The following LRMDA variants were observed in gnomAD, a reference collection of about 807,000 sequenced individuals.
The protein encoded by LRMDA is leucine rich melanocyte differentiation associated.
Under a neutral mutation model 29.8 loss-of-function variants are expected in LRMDA, and 18 were observed. The observed-to-expected ratio is 0.60, with a 90% CI of 0.42 to 0.90. The LOEUF is 0.90. Ranked by LOEUF, LRMDA falls within the 40% of genes least tolerant of loss-of-function variation. The probability of loss-of-function intolerance (pLI) is 0.00; values close to 1 mark genes in which losing one functional copy is unlikely to be tolerated. For missense variants in LRMDA, 273 were observed against 273.9 expected, an observed-to-expected ratio of 1.00 and a Z score of 0.02; for synonymous variants, 125 against 109.4, an observed-to-expected ratio of 1.14 and a Z score of -0.89.
chr10:75,450,562 C>T (rs1176170412), intron 2 of LRMDA: 7 of 152,214 alleles, frequency 4.6e-5, no homozygotes, highest in Non-Finnish European at 1.0e-4. Flanking sequence ...TTAACCCCCA[C>T]ACGGCCCGTT....
intron 2 of LRMDA, among the ~76,000 whole-genome samples, chr10:75,942,933 T>G (rs962942211): frequency 6.6e-6 from 1 of 152,140 alleles, no homozygotes; most frequent in Non-Finnish European, 1.5e-5. Flanking sequence ...TATGAACTAC[T>G]GTGATGCTAC....
chr10:76,040,082 A>C (rs376459923), intron 3 of LRMDA, among the ~76,000 whole-genome samples: 4 of 152,320 alleles, frequency 2.6e-5, no homozygotes, highest in South Asian at 4.1e-4. Flanking sequence ...CTCTGAAGTC[A>C]CATAGATTGT....
chr10:76,151,809 A>G (rs895359748), intron 5 of LRMDA, among the ~76,000 whole-genome samples: 1 of 152,192 alleles, frequency 6.6e-6, no homozygotes, highest in Non-Finnish European at 1.5e-5. Context: ...TTAAGTAGAC[A>G]GTCATATTAT....
intron 2 of LRMDA, among the ~76,000 whole-genome samples, chr10:75,582,406 A>C (rs2132077953): frequency 6.6e-6 from 1 of 152,312 alleles, no homozygotes; most frequent in South Asian, 2.1e-4. Context: ...GAAACTGCCA[A>C]GGCTTATGGC....
At chr10:75,600,337 T>C (rs1287731676) in intron 2 of LRMDA, among the ~76,000 whole-genome samples, 2 of 152,192 alleles carry the variant, frequency 1.3e-5, no homozygotes, top group African/African-American at 2.4e-5. Flanking sequence ...GGCTGTACTT[T>C]CTGGAAGGTG....
intron 6 of LRMDA, among the ~76,000 whole-genome samples, chr10:76,516,252 T>G (rs368887680): frequency 2.0e-5 from 3 of 152,176 alleles, no homozygotes; most frequent in African/African-American, 7.2e-5. Context: ...ATATTAAAAT[T>G]ATCACAATCA....
intron 2 of LRMDA, among the ~76,000 whole-genome samples, chr10:75,609,055 A>G (rs572792883): frequency 2.4e-4 from 36 of 152,264 alleles, no homozygotes; most frequent in South Asian, 4.1e-4. Context: ...ACGGGCCACA[A>G]TGGAGCTTGC....
intron 2 of LRMDA, among the ~76,000 whole-genome samples, chr10:75,683,660 C>T (rs1842050379): frequency 6.6e-6 from 1 of 152,220 alleles, no homozygotes; most frequent in Admixed American, 6.5e-5. Context: ...CTTTACCTTA[C>T]CTGAAAGCTG....
intron 2 of LRMDA, among the ~76,000 whole-genome samples, chr10:75,990,947 C>T (rs1847356795): frequency 6.6e-6 from 1 of 152,048 alleles, no homozygotes; most frequent in Non-Finnish European, 1.5e-5. Flanking sequence ...CCAAGTCTTC[C>T]CTAAGTTAGT....
chr10:75,514,707 C>T (rs929563538), intron 2 of LRMDA, among the ~76,000 whole-genome samples: 3 of 152,168 alleles, frequency 2.0e-5, no homozygotes, highest in South Asian at 2.1e-4. Context: ...ATGTGTCAGG[C>T]CCTCCTTCGC....
intron 2 of LRMDA, chr10:75,782,848 T>G: frequency 6.6e-7 from 1 of 1,525,510 alleles, no homozygotes; most frequent in African/African-American, 1.4e-5. Context: ...TGTTTTAGTT[T>G]TATTCTTTTT....
Position 75,725,500 on chromosome 10 carries a change from C to T in LRMDA, c.131+287006C>T, listed in dbSNP as rs147457702. Among the ~76,000 whole-genome samples the T allele has an allele frequency of 5.3e-4, 80 of 152,320 alleles. 1 individual carries two copies. The highest frequency in any genetic ancestry group is 1.7e-3 in the African/African-American group (71 of 41,572). On this transcript the variant is annotated intron_variant, in intron 2 of 6. Transcript: ENST00000611255. ...ATTTATAATTTATGATTTTATGAAT[C>T]GTCAAACTTCCTACATCGTTTTTGA...
chr10:75,438,919 A>C (rs1844294069), intron 2 of LRMDA, among the ~76,000 whole-genome samples: 1 of 152,156 alleles, frequency 6.6e-6, no homozygotes, highest in Admixed American at 6.5e-5. Context: ...GTCGAGTCAC[A>C]GGTAGGGTGT....
intron 5 of LRMDA, among the ~76,000 whole-genome samples, chr10:76,144,628 T>C (rs1850274909): frequency 6.6e-6 from 1 of 152,226 alleles, no homozygotes; most frequent in African/African-American, 2.4e-5. Flanking sequence ...CACAATCATG[T>C]CATCTGCAAA....
chr10:75,730,053 G>A (rs530845593), intron 2 of LRMDA, among the ~76,000 whole-genome samples: 27 of 152,146 alleles, frequency 1.8e-4, no homozygotes, highest in Admixed American at 1.4e-3. Flanking sequence ...GCCTTGCTCA[G>A]CCTCTGAGCA....
At chr10:76,463,831 A>G (rs2132310655) in intron 6 of LRMDA, among the ~76,000 whole-genome samples, 1 of 152,232 alleles carries the variant, frequency 6.6e-6, no homozygotes, top group Admixed American at 6.5e-5. Context: ...GAACGCTGCA[A>G]GAGCTAGACT....
At chr10:76,228,568 G>A (rs889051127) in intron 5 of LRMDA, among the ~76,000 whole-genome samples, 6 of 152,122 alleles carry the variant, frequency 3.9e-5, no homozygotes, top group Non-Finnish European at 8.8e-5. Context: ...GGGCAAAGAT[G>A]AAATCATAGG....
chr10:75,593,324 G>T (rs1302277933), intron 2 of LRMDA, among the ~76,000 whole-genome samples: 1 of 152,180 alleles, frequency 6.6e-6, no homozygotes, highest in African/African-American at 2.4e-5. Flanking sequence ...TAAGCAGTTT[G>T]CAGTTTGGCA....
intron 6 of LRMDA, among the ~76,000 whole-genome samples, chr10:76,352,346 C>A (rs1425595884): frequency 1.3e-5 from 2 of 151,898 alleles, no homozygotes; most frequent in African/African-American, 4.8e-5. Flanking sequence ...AAGAATATTC[C>A]AGCATCACTA....
Sources: allele counts gnomAD v4.1 joint callset (sites outside exome capture counted in the v4.1 genomes callset), GRCh38; gene constraint gnomAD v4.1.1; transcripts MANE v1.5; gene names NCBI Gene and HGNC (gene_info 2026-07-23, HGNC 2026-07-21).